TEC: variants seen among roughly 807,000 people sequenced by gnomAD.
The protein encoded by TEC is tec protein tyrosine kinase.
A neutral mutation model predicts 93.0 loss-of-function variants in TEC; 72 were observed. That is an observed-to-expected ratio of 0.77 (90% CI 0.64 to 0.94). The LOEUF (loss-of-function observed/expected upper bound fraction) is 0.94, where lower values mean the gene tolerates loss of function less well. Among genes scored for constraint, TEC ranks in the 40% least tolerant of loss-of-function variants. TEC has a pLI of 0.00. For synonymous variants in TEC, 249 were observed against 247.7 expected (o/e 1.01, Z -0.05); for missense variants, 630 against 757.9 (o/e 0.83, Z 1.98).
At chr4:48,154,204 C>T (rs1720301188) in intron 9 of TEC, among the ~76,000 whole-genome samples, 1 of 152,080 alleles carries the variant, frequency 6.6e-6, no homozygotes, top group Non-Finnish European at 1.5e-5. Flanking sequence ...TCTATGTGAT[C>T]TAAGAAAACT....
rs1348369771 is a variant in TEC at position 48,136,157 on chromosome 4, C to A, written c.*1259G>T. 1.3e-5 allele frequency: 2 copies of A among 152,236 alleles called. No individual in the cohort carries two copies. The highest frequency in any genetic ancestry group is 4.8e-5 in the African/African-American group (2 of 41,466). 9.4% of individuals were successfully genotyped at this position (152,236 alleles called of 1,614,324 possible). A position where few individuals can be genotyped will look rare whatever the true frequency, so the allele number is the denominator to read the frequency against. On this transcript the variant is annotated 3_prime_UTR_variant, in exon 18 of 18. Transcript: ENST00000381501. ...CCGAGATAGTTTCTTTTCCTTGGCG[C>A]TCACAAGGCAAAAAGGAAGGCCCTA... is the stretch of plus-strand genomic sequence containing the variant.
At chr4:48,196,313 G>A (rs372181256) in intron 2 of TEC, among the ~76,000 whole-genome samples, 2 of 152,136 alleles carry the variant, frequency 1.3e-5, no homozygotes, top group Non-Finnish European at 2.9e-5. Flanking sequence ...AAAGTCTGAA[G>A]CCCAACTGTC....
chr4:48,152,046 T>C (rs1720192488), intron 9 of TEC, among the ~76,000 whole-genome samples: 1 of 152,148 alleles, frequency 6.6e-6, no homozygotes, highest in South Asian at 2.1e-4. Flanking sequence ...CTCTTCTTGA[T>C]AGGAAAAACA....
chr4:48,234,820 G>C (rs1723742257), intron 1 of TEC, among the ~76,000 whole-genome samples: 1 of 151,960 alleles, frequency 6.6e-6, no homozygotes. Flanking sequence ...AGGAGAAGGA[G>C]GAAAAGGTAG....
Position 48,165,526 on chromosome 4 carries a change from C to A in TEC, c.672-1759G>T, listed in dbSNP as rs528024160. ...CATCAGGGTAAATACCAATGAAGAA[C>A]TTTATGACAGAGGAACAAGTCTGAC... On this transcript the variant is annotated intron_variant, in intron 7 of 17. Coordinates refer to ENST00000381501, the MANE Select transcript of TEC (RefSeq NM_003215.3). Among the ~76,000 whole-genome samples the A allele has an allele frequency of 9.9e-5, 15 of 152,284 alleles. No individual in the cohort carries two copies. In the South Asian group the frequency reaches 3.1e-3, roughly 32 times the overall value.
chr4:48,229,910 C>T (rs1723595890), intron 1 of TEC, among the ~76,000 whole-genome samples: 1 of 148,450 alleles, frequency 6.7e-6, no homozygotes, highest in African/African-American at 2.5e-5. Flanking sequence ...CCCGTCTCTA[C>T]TAAAAATACA....
At chr4:48,171,564 T>C (rs1721113361) in intron 3 of TEC, 115 bp from the exon 4 acceptor site, 3 of 677,530 alleles carry the variant, frequency 4.4e-6, no homozygotes, top group Non-Finnish European at 4.7e-6. Context: ...TAACTGAAAG[T>C]CAATAACTTC....
At position 48,245,746 on chromosome 4, in the gene TEC, A is replaced by G. The variant is rs564474059; in HGVS notation, c.-45-17087T>C. On this transcript the variant is annotated intron_variant, in intron 1 of 17. Transcript: ENST00000381501. ...ATAACACCTTTGAGACTAGAAATCT[A>G]GTATCCTCATTCCCCGACTTCTAGG... is the stretch of plus-strand genomic sequence containing the variant. Among the ~76,000 whole-genome samples, 8 of 152,310 alleles carry G rather than the reference A, an allele frequency of 5.3e-5. No individual in the cohort carries two copies. The South Asian group carries it at 1.7e-3, about 32-fold the overall frequency.
intron 1 of TEC, among the ~76,000 whole-genome samples, chr4:48,236,476 G>A (rs1302743040): frequency 1.3e-5 from 2 of 152,070 alleles, no homozygotes; most frequent in African/African-American, 4.8e-5. Flanking sequence ...TAGAGACAGG[G>A]TTTCACCGTG....
chr4:48,139,044 GT>G (rs1186682937), intron 15 of TEC, 22 bp from the exon 16 acceptor site: 1 of 1,569,052 alleles, frequency 6.4e-7, no homozygotes, highest in African/African-American at 1.4e-5. Context: ...CACACCATGG[GT>G]TTACACCTCT....
At chr4:48,251,549 G>T (rs1324365387) in intron 1 of TEC, among the ~76,000 whole-genome samples, 2 of 152,142 alleles carry the variant, frequency 1.3e-5, no homozygotes, top group African/African-American at 2.4e-5. Flanking sequence ...CCCACTGGTT[G>T]TAAGTTTCAC....
chr4:48,165,597 C>T (rs181973029), intron 7 of TEC, among the ~76,000 whole-genome samples: 228 of 141,832 alleles, frequency 1.6e-3, no homozygotes, highest in African/African-American at 7.0e-3. Context: ...GTAGGACATC[C>T]AGAGATCACC....
intron 1 of TEC, among the ~76,000 whole-genome samples, chr4:48,250,287 A>C (rs1724166812): frequency 6.6e-6 from 1 of 152,188 alleles, no homozygotes; most frequent in Non-Finnish European, 1.5e-5. Context: ...CTAATTCATC[A>C]GCATGTTCTT....
chr4:48,196,418 G>C (rs912126881), intron 2 of TEC, among the ~76,000 whole-genome samples: 1 of 152,106 alleles, frequency 6.6e-6, no homozygotes. Context: ...CTATTAAATG[G>C]GATGAATAAT....
intron 9 of TEC, among the ~76,000 whole-genome samples, chr4:48,152,637 G>A (rs1168870543): frequency 1.3e-5 from 2 of 152,140 alleles, no homozygotes; most frequent in Middle Eastern, 3.4e-3. Context: ...AAGACTGGCT[G>A]GGTAATTTGC....
intron 2 of TEC, among the ~76,000 whole-genome samples, chr4:48,214,859 T>C (rs1723020153): frequency 6.7e-6 from 1 of 150,202 alleles, no homozygotes; most frequent in Admixed American, 6.6e-5. Context: ...GTCTCAAAAA[T>C]AAAAATAATT....
intron 2 of TEC, among the ~76,000 whole-genome samples, chr4:48,177,806 T>G (rs963470049): frequency 6.6e-6 from 1 of 152,098 alleles, no homozygotes; most frequent in Non-Finnish European, 1.5e-5. Context: ...CTTGTGACAG[T>G]GAGTGAGTTC....
chr4:48,161,276 C>T (rs184418338), intron 8 of TEC, among the ~76,000 whole-genome samples: 3 of 152,266 alleles, frequency 2.0e-5, no homozygotes, highest in Admixed American at 2.0e-4. Flanking sequence ...TCTAACTATG[C>T]CACCCACTCA....
intron 2 of TEC, among the ~76,000 whole-genome samples, chr4:48,225,199 G>A (rs1723406449): frequency 6.6e-6 from 1 of 150,956 alleles, no homozygotes; most frequent in African/African-American, 2.4e-5. Flanking sequence ...TTTTTTAGAT[G>A]GAGTCTCGCT....
Sources: gnomAD v4.1 joint callset for allele counts (sites outside exome capture counted in the v4.1 genomes callset) on GRCh38, gnomAD v4.1.1 for gene constraint, MANE v1.5 for transcripts, NCBI Gene and HGNC (gene_info 2026-07-23, HGNC 2026-07-21) for gene names.